ALPK3: variants seen among roughly 807,000 people sequenced by gnomAD.
ALPK3 encodes the protein alpha-protein kinase 3.
Under a neutral mutation model 140.0 loss-of-function variants are expected in ALPK3, and 102 were observed. That is an observed-to-expected ratio of 0.73 (90% CI 0.62 to 0.86). The LOEUF is 0.86. Among genes scored for constraint, ALPK3 ranks in the 40% least tolerant of loss-of-function variants. ALPK3 has a pLI of 0.00. For synonymous variants in ALPK3, 938 were observed against 898.5 expected, an observed-to-expected ratio of 1.04 and a Z score of -0.79; for missense variants, 2,254 against 2,208.2, an observed-to-expected ratio of 1.02 and a Z score of -0.42.
intron 3 of ALPK3, among the ~76,000 whole-genome samples, chr15:84,836,114 C>T (rs186168059): frequency 7.2e-4 from 110 of 152,316 alleles, no homozygotes; most frequent in African/African-American, 2.6e-3. Flanking sequence ...GAAGGGAAGG[C>T]CTCTCTAGGG....
chr15:84,841,273 A>G (rs567079680), intron 5 of ALPK3, among the ~76,000 whole-genome samples: 1 of 152,308 alleles, frequency 6.6e-6, no homozygotes, highest in South Asian at 2.1e-4. Context: ...TGCTGAGGCA[A>G]CAGTGTTTCA....
intron 5 of ALPK3, among the ~76,000 whole-genome samples, chr15:84,841,701 C>G (rs1005038975): frequency 2.6e-5 from 4 of 151,974 alleles, no homozygotes; most frequent in Non-Finnish European, 1.5e-5. Flanking sequence ...GTGGAGTGTC[C>G]ACTCCCCAAA....
intron 2 of ALPK3, among the ~76,000 whole-genome samples, chr15:84,824,930 G>A (rs1427180658): frequency 2.0e-5 from 3 of 152,102 alleles, no homozygotes; most frequent in Non-Finnish European, 2.9e-5. Flanking sequence ...TTGTGGCAAC[G>A]AGAAGCTGTA....
Position 84,858,115 on chromosome 15 carries a change from AG to A in ALPK3, c.3381del (p.Ser1129GlnfsTer5), listed in dbSNP as rs2141569005. 1.3e-6 allele frequency: 2 copies of A among 1,579,200 alleles called. No individual in the cohort carries two copies. The highest frequency in any genetic ancestry group is 1.7e-6 in the Non-Finnish European group (2 of 1,165,394). On this transcript the variant is annotated frameshift_variant, in exon 6 of 14. Coordinates refer to ENST00000258888, the MANE Select transcript of ALPK3 (RefSeq NM_020778.5). LOFTEE classifies it high-confidence loss of function. Reference protein sequence around the residue: ...GEAGGQAAPGQGPSAESIAQE... With the variant: ...GEAGGQAAPGXGPSAESIAQE... ...GCGGGTGGGCAGGCAGCCCCTGGAC[AG>A]GGGCCCTCAGCAGAGAGCATAGCCC...
Position 84,864,585 on chromosome 15 carries a change from A to G in ALPK3, c.4643A>G (p.Glu1548Gly), listed in dbSNP as rs1410079860. The G allele has an allele frequency of 6.8e-6, 11 of 1,614,232 alleles. No individual in the cohort carries two copies. Among genetic ancestry groups the G allele is most frequent in the African/African-American group, 1.3e-5 (1 of 75,062 alleles). The change falls in exon 12 of 14, where the codon GAG (glutamate) becomes GGG (glycine). Residue 1548 changes from glutamate (E) to glycine (G), a missense_variant. Physicochemically the swap from Glu to Gly is moderately conservative, Grantham distance 98. This residue lies in a region of ALPK3 where 2,088 missense variants were observed against 2,022.9 expected (regional missense o/e 1.03). Transcript: ENST00000258888. The part of the protein sequence containing the change: ...AEAPTASGSS[E>G]AMQKCQTFQH... ...GCTCCGACAGCATCTGGCAGCTCTG[A>G]GGCCATGCAGAAATGCCAGACCTTC... is the stretch of plus-strand genomic sequence containing the variant.
In ALPK3 at chr15:84,840,560, G is replaced by A; in HGVS notation, c.1281G>A (p.Arg427=). Residue 427 remains arginine (R), a synonymous_variant, in exon 5 of 14, where the codon AGG becomes AGA. Coordinates refer to ENST00000258888, the MANE Select transcript of ALPK3 (RefSeq NM_020778.5). ...ACCTGGAGAACACCCAGGCAGTCAG[G>A]CCTCTTGGGGAAGAGGGACCCCAGA... ...DMYLENTQAV[R]PLGEEGPQTL... 6.3e-7 allele frequency: 1 copy of A among 1,587,592 alleles called. No individual in the cohort carries two copies. The highest frequency in any genetic ancestry group is 2.2e-5 in the East Asian group (1 of 44,762).
intron 5 of ALPK3, among the ~76,000 whole-genome samples, chr15:84,847,206 GGGGAGAGAGAGA>G (rs1963740924): frequency 2.9e-5 from 2 of 68,030 alleles, no homozygotes; most frequent in East Asian, 7.4e-4. Context: ...AGGGAGAAAC[GGGGAGAGAGAGA>G]GAGAGAGAGA....
At chr15:84,823,596 T>C (rs1427066979) in intron 2 of ALPK3, among the ~76,000 whole-genome samples, 3 of 152,010 alleles carry the variant, frequency 2.0e-5, no homozygotes, top group African/African-American at 7.2e-5. Context: ...ATCTCAGGAA[T>C]AGAAATATGG....
Position 84,868,458 on chromosome 15 carries a change from C to G in ALPK3, c.*2C>G. On this transcript the variant is annotated 3_prime_UTR_variant, in exon 14 of 14. Coordinates refer to ENST00000258888, the MANE Select transcript of ALPK3 (RefSeq NM_020778.5). ...TCCAAGGCCCAGGGCATGCGGTAGC[C>G]TCCGCAGAGGCTGGGGGCCTCCACC... 2 of 1,603,568 alleles carry G rather than the reference C, an allele frequency of 1.2e-6. No individual in the cohort carries two copies. The highest frequency in any genetic ancestry group is 1.1e-5 in the South Asian group (1 of 90,926).
Position 84,859,369 on chromosome 15 carries a change from C to A in ALPK3, c.3944C>A (p.Pro1315Gln), listed in dbSNP as rs1489159228. The A allele has an allele frequency of 6.2e-7, 1 of 1,614,162 alleles. No homozygotes were observed. The highest frequency in any genetic ancestry group is 8.5e-7 in the Non-Finnish European group (1 of 1,180,006). The change falls in exon 7 of 14, where the codon CCA becomes CAA. Residue 1315 changes from proline (P) to glutamine (Q), a missense_variant. Physicochemically the swap from Pro to Gln is moderately conservative, Grantham distance 76. Around this residue, in one of 3 missense-constraint regions of ALPK3, gnomAD observed 2,088 missense variants for 2,022.9 expected, o/e 1.03. Coordinates refer to ENST00000258888, the MANE Select transcript of ALPK3 (RefSeq NM_020778.5). The stretch of plus-strand genomic sequence containing the variant: ...TTGACATGGGCCAAGGATCAGCGCC[C>A]AGTGGGCGAGGTGGGCAGGAGGTAA... Reference protein sequence around the residue: ...SVLTWAKDQRPVGEVGRSAGD... With the variant: ...SVLTWAKDQRQVGEVGRSAGD...
At chr15:84,822,810 C>T (rs1050763604) in intron 1 of ALPK3, among the ~76,000 whole-genome samples, 4 of 152,258 alleles carry the variant, frequency 2.6e-5, no homozygotes, top group African/African-American at 9.6e-5. Context: ...CTTTTTCACT[C>T]TCCCAGCTGG....
chr15:84,849,691 A>G (rs551462086), intron 5 of ALPK3, among the ~76,000 whole-genome samples: 1 of 152,308 alleles, frequency 6.6e-6, no homozygotes, highest in African/African-American at 2.4e-5. Context: ...CCAATTAGAA[A>G]ACATTTTAAA....
Position 84,858,308 on chromosome 15 carries a change from G to A in ALPK3, c.3570G>A (p.Thr1190=), listed in dbSNP as rs775935512. 20 of 1,570,870 alleles carry A rather than the reference G, an allele frequency of 1.3e-5. 1 individual carries two copies. In the Admixed American group the frequency reaches 2.4e-4, roughly 19 times the overall value. The change falls in exon 6 of 14, where the codon ACG becomes ACA. Residue 1190 remains threonine, a synonymous_variant. Coordinates refer to ENST00000258888, the MANE Select transcript of ALPK3 (RefSeq NM_020778.5). ...ATTPEERESP[T]VSPRGPRKSL... is the part of the protein sequence containing the mutation. ...CACCTGAAGAAAGGGAGAGCCCCAC[G>A]GTTTCCCCCCGGGGGCCCAGGAAAA...
rs2141557307 is a variant in ALPK3 at position 84,840,765 on chromosome 15, A to G, written c.1486A>G (p.Ser496Gly). The change falls in exon 5 of 14, where the codon AGC (serine) becomes GGC (glycine). Residue 496 changes from serine (S) to glycine (G), a missense_variant. Ser to Gly is a moderately conservative substitution (Grantham distance 56). Transcript: ENST00000258888. ...PKPKGEATTD[S>G]KPISSLSQAP... ...GCCCAAAGGAGAGGCCACCACTGACAGCAAGCCCATTTCTTCTCTGAGTCA... is the reference window on the plus strand; with the variant it reads ...GCCCAAAGGAGAGGCCACCACTGACGGCAAGCCCATTTCTTCTCTGAGTCA... 2 of 1,614,250 alleles carry G rather than the reference A, an allele frequency of 1.2e-6. No homozygotes were observed. Among genetic ancestry groups the G allele is most frequent in the Admixed American group, 1.7e-5 (1 of 60,032 alleles).
intron 5 of ALPK3, among the ~76,000 whole-genome samples, chr15:84,855,575 G>A (rs747088204): frequency 4.6e-5 from 7 of 152,174 alleles, no homozygotes; most frequent in Non-Finnish European, 1.0e-4. Context: ...AGTAGGTGGC[G>A]TTATGGTATA....
At position 84,856,463 on chromosome 15, in the gene ALPK3, G is replaced by A. The variant is rs1465453438; in HGVS notation, c.1725G>A (p.Gly575=). 4 of 1,614,044 alleles carry A rather than the reference G, an allele frequency of 2.5e-6. No homozygotes were observed. The highest frequency in any genetic ancestry group is 3.4e-6 in the Non-Finnish European group (4 of 1,179,972). ...ASSSSDVASI[G]VSTSGSQGII... ...GCAGCTCTGATGTAGCCTCCATTGG[G>A]GTTAGCACTTCCGGAAGTCAAGGTA... is the stretch of plus-strand genomic sequence containing the variant. Residue 575 remains glycine, a synonymous_variant, in exon 6 of 14, where the codon GGG becomes GGA. Coordinates refer to ENST00000258888, the MANE Select transcript of ALPK3 (RefSeq NM_020778.5).
intron 3 of ALPK3, among the ~76,000 whole-genome samples, chr15:84,834,664 T>C (rs979709228): frequency 6.6e-6 from 1 of 152,250 alleles, no homozygotes; most frequent in African/African-American, 2.4e-5. Context: ...GGGACAAGGC[T>C]GCAAGTTTCC....
intron 6 of ALPK3, 56 bp downstream of exon 6, chr15:84,858,611 A>ACTG (rs2141569706): frequency 1.3e-6 from 2 of 1,506,074 alleles, no homozygotes; most frequent in Non-Finnish European, 1.8e-6. Flanking sequence ...CAGAAAGCAC[A>ACTG]CTGCTGCTGC....
chr15:84,828,201 G>C (rs1049147522), intron 3 of ALPK3, among the ~76,000 whole-genome samples: 4 of 152,196 alleles, frequency 2.6e-5, no homozygotes, highest in African/African-American at 9.7e-5. Context: ...AAAGTGTTTG[G>C]AGTAGTACCT....
Sources: gnomAD v4.1 joint callset for allele counts (sites outside exome capture counted in the v4.1 genomes callset) on GRCh38, gnomAD v4.1.1 for gene constraint, gnomAD v4.1.1 regional missense constraint, MANE v1.5 for transcripts, NCBI Gene and HGNC (gene_info 2026-07-23, HGNC 2026-07-21) for gene names.